The following FHIP1A variants were observed in gnomAD, a reference collection of about 807,000 sequenced individuals.
FHIP1A encodes the protein FHF complex subunit HOOK interacting protein 1A.
A neutral mutation model predicts 88.6 loss-of-function variants in FHIP1A; 61 were observed. That is an observed-to-expected ratio of 0.69 (90% CI 0.56 to 0.85). The LOEUF (loss-of-function observed/expected upper bound fraction) is 0.85. FHIP1A is among the 40% of genes least tolerant of loss of function. FHIP1A has a pLI of 0.00. For synonymous variants in FHIP1A, 478 were observed against 496.0 expected (o/e 0.96, Z 0.48); for missense variants, 1,154 against 1,273.5 (o/e 0.91, Z 1.43).
chr4:151,535,656 T>C (rs1392500720), intron 3 of FHIP1A, among the ~76,000 whole-genome samples: 1 of 152,248 alleles, frequency 6.6e-6, no homozygotes, highest in African/African-American at 2.4e-5. Context: ...TCATTCAGAC[T>C]GTACAGTTTA....
intron 3 of FHIP1A, among the ~76,000 whole-genome samples, chr4:151,526,970 GC>G (rs1049731840): frequency 6.6e-5 from 10 of 151,868 alleles, no homozygotes; most frequent in African/African-American, 2.4e-4. Flanking sequence ...TGGGATGGCG[GC>G]TGGGAAGAGG....
intron 3 of FHIP1A, among the ~76,000 whole-genome samples, chr4:151,513,389 A>C (rs1480027852): frequency 6.6e-6 from 1 of 152,252 alleles, no homozygotes; most frequent in Non-Finnish European, 1.5e-5. Flanking sequence ...AAGAAACTGC[A>C]TCAACTAATG....
intron 7 of FHIP1A, among the ~76,000 whole-genome samples, chr4:151,594,306 A>G (rs1015768530): frequency 6.6e-6 from 1 of 152,190 alleles, no homozygotes; most frequent in Non-Finnish European, 1.5e-5. Flanking sequence ...GAATAGTTTC[A>G]GAAGGAATGG....
chr4:151,504,107 C>T (rs1730743982), intron 3 of FHIP1A, among the ~76,000 whole-genome samples: 1 of 152,226 alleles, frequency 6.6e-6, no homozygotes, highest in Non-Finnish European at 1.5e-5. Context: ...TATTCTAAAC[C>T]TATTCCCTTT....
At chr4:151,435,251 A>G (rs950287930) in intron 1 of FHIP1A, among the ~76,000 whole-genome samples, 3 of 151,936 alleles carry the variant, frequency 2.0e-5, no homozygotes, top group African/African-American at 7.3e-5. Flanking sequence ...TCATTAACCA[A>G]CTTCTCTTCA....
intron 3 of FHIP1A, among the ~76,000 whole-genome samples, chr4:151,532,040 G>A (rs1458133312): frequency 1.3e-5 from 2 of 152,214 alleles, no homozygotes; most frequent in Non-Finnish European, 2.9e-5. Context: ...TGGATACGTG[G>A]CATCGCATAT....
intron 7 of FHIP1A, among the ~76,000 whole-genome samples, chr4:151,594,266 A>C (rs1029948847): frequency 1.3e-5 from 2 of 152,202 alleles, no homozygotes; most frequent in Non-Finnish European, 2.9e-5. Flanking sequence ...AAAATGAGTT[A>C]GGGAGGAGTC....
At chr4:151,546,934 G>A (rs1403257394) in intron 3 of FHIP1A, among the ~76,000 whole-genome samples, 1 of 152,144 alleles carries the variant, frequency 6.6e-6, no homozygotes, top group African/African-American at 2.4e-5. Context: ...CAATCACAAA[G>A]ACATTCTCCT....
intron 2 of FHIP1A, among the ~76,000 whole-genome samples, chr4:151,462,093 T>C (rs1176926663): frequency 6.6e-6 from 1 of 152,114 alleles, no homozygotes; most frequent in Non-Finnish European, 1.5e-5. Context: ...GCTGAGAAGT[T>C]GAGGTTGCCG....
chr4:151,566,114 A>AT (rs1733375856), intron 3 of FHIP1A, 24 bp from the exon 4 acceptor site: 3 of 516,758 alleles, frequency 5.8e-6, no homozygotes, highest in African/African-American at 2.0e-5. Flanking sequence ...AATAAAATTC[A>AT]TTTTTTTATT....
chr4:151,463,733 A>C (rs1393926449), intron 2 of FHIP1A, among the ~76,000 whole-genome samples: 1 of 152,222 alleles, frequency 6.6e-6, no homozygotes, highest in African/African-American at 2.4e-5. Flanking sequence ...GTCTGATGAC[A>C]ATACCGAGCA....
intron 3 of FHIP1A, among the ~76,000 whole-genome samples, chr4:151,555,548 A>G (rs1314792766): frequency 6.6e-6 from 1 of 152,162 alleles, no homozygotes; most frequent in East Asian, 1.9e-4. Flanking sequence ...AAGTTCTTAA[A>G]AGGTTTTTAT....
intron 1 of FHIP1A, among the ~76,000 whole-genome samples, chr4:151,438,154 C>G (rs1022264344): frequency 6.6e-6 from 1 of 152,022 alleles, no homozygotes; most frequent in Non-Finnish European, 1.5e-5. Context: ...ATGGGGCACT[C>G]CTGGGTGGCA....
chr4:151,535,578 T>G (rs1474141951), intron 3 of FHIP1A, among the ~76,000 whole-genome samples: 5 of 152,236 alleles, frequency 3.3e-5, no homozygotes, highest in Non-Finnish European at 7.3e-5. Context: ...CATACTTATA[T>G]GTGTATTTGT....
intron 1 of FHIP1A, among the ~76,000 whole-genome samples, chr4:151,449,139 TG>T (rs1465163839): frequency 6.6e-6 from 1 of 152,220 alleles, no homozygotes; most frequent in Non-Finnish European, 1.5e-5. Context: ...GTATGATGCC[TG>T]ATACATAGTA....
chr4:151,416,299 T>C (rs1732888450), intron 1 of FHIP1A, among the ~76,000 whole-genome samples: 1 of 152,244 alleles, frequency 6.6e-6, no homozygotes, highest in South Asian at 2.1e-4. Context: ...CCAAGCTTTT[T>C]TTCATAACCA....
At chr4:151,556,063 C>T (rs1037141560) in intron 3 of FHIP1A, among the ~76,000 whole-genome samples, 7 of 152,020 alleles carry the variant, frequency 4.6e-5, no homozygotes, top group African/African-American at 2.4e-5. Flanking sequence ...TAAATGTGAA[C>T]GATTCTCTAG....
chr4:151,435,677 C>T lies in FHIP1A; in HGVS notation c.-355-19024C>T, dbSNP rs1437206964. Among the ~76,000 whole-genome samples the T allele has an allele frequency of 1.4e-4, 21 of 151,214 alleles. 1 individual carries two copies. The highest frequency in any genetic ancestry group is 3.1e-4 in the Non-Finnish European group (21 of 67,902). ...GCACATGCCTATAATCCCAGCTACT[C>T]GGGAGGCTGAAGCAGGAGAATCGCT... On this transcript the variant is annotated intron_variant, in intron 1 of 13. Coordinates refer to ENST00000435205, the MANE Select transcript of FHIP1A (RefSeq NM_001109977.3).
At chr4:151,566,945 G>A (rs936549808) in intron 4 of FHIP1A, among the ~76,000 whole-genome samples, 2 of 152,140 alleles carry the variant, frequency 1.3e-5, no homozygotes, top group Non-Finnish European at 2.9e-5. Flanking sequence ...TTGGTGCCTT[G>A]ACTCCAAAGC....
Sources: gnomAD v4.1 joint callset for allele counts (sites outside exome capture counted in the v4.1 genomes callset) on GRCh38, gnomAD v4.1.1 for gene constraint, MANE v1.5 for transcripts, NCBI Gene and HGNC (gene_info 2026-07-23, HGNC 2026-07-21) for gene names.